Variants in NAV2 observed in about 807,000 individuals in gnomAD.
The protein encoded by NAV2 is neuron navigator 2.
In NAV2, 54 loss-of-function variants were observed where a neutral mutation model predicts 223.2. That is an observed-to-expected ratio of 0.24 (90% CI 0.19 to 0.30). The LOEUF (loss-of-function observed/expected upper bound fraction) is 0.30. Among genes scored for constraint, NAV2 ranks in the 10% least tolerant of loss-of-function variants. NAV2 has a pLI of 1.00. For missense variants in NAV2, 2,806 were observed against 3,147.5 expected (o/e 0.89, Z 2.60); for synonymous variants, 1,279 against 1,239.3 (o/e 1.03, Z -0.67).
chr11:20,068,444 C>A lies in NAV2; in HGVS notation c.4983+46C>A, dbSNP rs545784526. The A allele has an allele frequency of 1.4e-4, 195 of 1,438,982 alleles. 1 individual carries two copies. In the South Asian group the frequency reaches 2.1e-3, roughly 16 times the overall value. 89.1% of individuals were successfully genotyped at this position (1,438,982 alleles called of 1,614,324 possible). On this transcript the variant is annotated intron_variant, in intron 22 of 37. Coordinates refer to ENST00000349880, the MANE Select transcript of NAV2 (RefSeq NM_145117.5). The stretch of plus-strand genomic sequence containing the variant: ...GTAGCATCGGGACAGGAAGCACCAT[C>A]CTTGCCTTCTGAACAGCCTCAAGTC...
chr11:19,466,889 G>T (rs914749225), intron 1 of NAV2, among the ~76,000 whole-genome samples: 1 of 152,012 alleles, frequency 6.6e-6, no homozygotes, highest in Non-Finnish European at 1.5e-5. Flanking sequence ...ACAAAAATGG[G>T]ATTTTTAAAT....
chr11:19,672,188 G>A lies in NAV2; in HGVS notation c.76-160296G>A, dbSNP rs562948796. 1.4e-4 allele frequency among the ~76,000 whole-genome samples: 21 copies of A among 152,338 alleles called. No individual in the cohort carries two copies. The South Asian group carries it at 4.1e-3, about 30-fold the overall frequency. On this transcript the variant is annotated intron_variant, in intron 1 of 37. Transcript: ENST00000360655. Reference sequence around the variant, plus strand: ...GTGGAGTTGCCGAGCATGCTTCCAGGCACATAGCAAAGTGCAGTGCACAGT... The same window carrying A: ...GTGGAGTTGCCGAGCATGCTTCCAGACACATAGCAAAGTGCAGTGCACAGT...
chr11:19,505,649 TCCTACAG>T (rs1268679171), intron 1 of NAV2: 1 of 152,140 alleles, frequency 6.6e-6, no homozygotes, highest in Non-Finnish European at 1.5e-5. Flanking sequence ...TGGGGGCCAT[TCCTACAG>T]CAGTTGGACA....
intron 1 of NAV2, among the ~76,000 whole-genome samples, chr11:19,814,410 A>G (rs2058986789): frequency 1.3e-5 from 2 of 152,108 alleles, no homozygotes; most frequent in Non-Finnish European, 2.9e-5. Context: ...GGTGACCTGA[A>G]TGGTATCATT....
Position 19,720,743 on chromosome 11 carries a change from A to G in NAV2, c.267+6781A>G, listed in dbSNP as rs561969569. Among the ~76,000 whole-genome samples, 26 of 152,342 alleles carry G rather than the reference A, an allele frequency of 1.7e-4. No individual in the cohort carries two copies. The South Asian group carries it at 4.1e-3, about 24-fold the overall frequency. On this transcript the variant is annotated intron_variant, in intron 1 of 37. Transcript: ENST00000349880. ...GCACCAGATATGTATCATTCATTTA[A>G]TCCTCACAACATCCCATGAGGTAGA... is the stretch of plus-strand genomic sequence containing the variant.
intron 1 of NAV2, among the ~76,000 whole-genome samples, chr11:19,414,472 T>C (rs1254934395): frequency 1.3e-5 from 2 of 152,190 alleles, no homozygotes; most frequent in East Asian, 3.8e-4. Flanking sequence ...ACAAAGAGAC[T>C]TAGACTTCTA....
chr11:19,468,414 C>A (rs992006862), intron 1 of NAV2, among the ~76,000 whole-genome samples: 3 of 152,162 alleles, frequency 2.0e-5, no homozygotes, highest in African/African-American at 7.2e-5. Context: ...TTCCTTGCCT[C>A]TTCCAGTTCC....
chr11:20,035,101 G>A (rs11025361), intron 11 of NAV2, among the ~76,000 whole-genome samples: 27,975 of 151,934 alleles, frequency 0.18, 3,139 homozygotes, highest in African/African-American at 0.32. Context: ...ACTGCTGCGG[G>A]CGGATGGACC....
chr11:19,827,218 C>A (rs950288669), intron 1 of NAV2, among the ~76,000 whole-genome samples: 3 of 152,124 alleles, frequency 2.0e-5, no homozygotes, highest in Admixed American at 6.5e-5. Flanking sequence ...GTAGGTGTAT[C>A]ATTTCATTTG....
intron 26 of NAV2, among the ~76,000 whole-genome samples, chr11:20,088,466 A>G (rs1218358039): frequency 6.6e-6 from 1 of 152,074 alleles, no homozygotes; most frequent in African/African-American, 2.4e-5. Context: ...TGAGCCGCCA[A>G]CCCGGGCCAA....
intron 1 of NAV2, among the ~76,000 whole-genome samples, chr11:19,527,957 C>T (rs1365384584): frequency 6.6e-6 from 1 of 152,004 alleles, no homozygotes; most frequent in African/African-American, 2.4e-5. Flanking sequence ...CACACACACA[C>T]ACACACACAC....
chr11:19,752,602 C>T (rs12293041), intron 1 of NAV2, among the ~76,000 whole-genome samples: 15,347 of 152,140 alleles, frequency 0.1, 882 homozygotes, highest in South Asian at 0.15. Flanking sequence ...AAACTTAGTA[C>T]ATCATGAACA....
chr11:19,684,782 C>A (rs118013136), intron 1 of NAV2, among the ~76,000 whole-genome samples: 3 of 152,192 alleles, frequency 2.0e-5, no homozygotes, highest in African/African-American at 7.2e-5. Flanking sequence ...TATGGGAATA[C>A]CCATTCTCTT....
chr11:19,752,161 G>A (rs1357015223), intron 1 of NAV2, among the ~76,000 whole-genome samples: 1 of 152,188 alleles, frequency 6.6e-6, no homozygotes, highest in Non-Finnish European at 1.5e-5. Context: ...GAAGGTGACT[G>A]TCCCTGTGTC....
intron 6 of NAV2, among the ~76,000 whole-genome samples, chr11:19,909,217 C>T: frequency 6.6e-6 from 1 of 152,132 alleles, no homozygotes; most frequent in Admixed American, 6.5e-5. Context: ...TTCTGGTCCT[C>T]CTTTCCCTGT....
At chr11:19,371,767 GTTTTTTTTTTTTT>G (rs9299953) in intron 1 of NAV2, among the ~76,000 whole-genome samples, 1 of 96,976 alleles carries the variant, frequency 1.0e-5, no homozygotes, top group Non-Finnish European at 2.1e-5. Context: ...TCTGTATCAG[GTTTTTTTTTTTTT>G]TTTTTTTTTG....
chr11:19,928,858 G>A (rs558084964), intron 6 of NAV2, among the ~76,000 whole-genome samples: 1 of 152,150 alleles, frequency 6.6e-6, no homozygotes, highest in African/African-American at 2.4e-5. Context: ...CAAAGTTCAA[G>A]GTCCAGCCTA....
intron 11 of NAV2, among the ~76,000 whole-genome samples, chr11:20,026,105 G>A (rs958144737): frequency 2.6e-5 from 4 of 152,116 alleles, no homozygotes; most frequent in Admixed American, 6.5e-5. Context: ...CTGCAGAGCT[G>A]TGGTCTCTCC....
At chr11:19,515,275 G>A (rs759929971) in intron 1 of NAV2, among the ~76,000 whole-genome samples, 2 of 152,186 alleles carry the variant, frequency 1.3e-5, no homozygotes, top group Non-Finnish European at 2.9e-5. Flanking sequence ...AACTCACTGT[G>A]TATCTCTGGA....
Sources: gnomAD v4.1 joint callset for allele counts (sites outside exome capture counted in the v4.1 genomes callset) on GRCh38, gnomAD v4.1.1 for gene constraint, MANE v1.5 for transcripts, NCBI Gene and HGNC (gene_info 2026-07-23, HGNC 2026-07-21) for gene names.